CNTNAP2: variants seen among roughly 807,000 people sequenced by gnomAD.
CNTNAP2 encodes contactin-associated protein-like 2.
In CNTNAP2, 98 loss-of-function variants were observed where a neutral mutation model predicts 155.2. That is an observed-to-expected ratio of 0.63 (90% CI 0.54 to 0.75). The LOEUF is 0.75. Among genes scored for constraint, CNTNAP2 ranks in the 30% least tolerant of loss-of-function variants. The probability of loss-of-function intolerance (pLI) is 0.00; values close to 1 mark genes in which losing one functional copy is unlikely to be tolerated. For synonymous variants in CNTNAP2, 651 were observed against 631.2 expected (o/e 1.03, Z -0.47); for missense variants, 1,727 against 1,688.1 (o/e 1.02, Z -0.40).
intron 15 of CNTNAP2, among the ~76,000 whole-genome samples, chr7:148,096,365 T>C (rs1803971060): frequency 6.6e-6 from 1 of 151,928 alleles, no homozygotes; most frequent in Non-Finnish European, 1.5e-5. Context: ...CAGCTAATTA[T>C]TATAAGTATA....
At chr7:147,274,289 C>G (rs1804842006) in intron 8 of CNTNAP2, among the ~76,000 whole-genome samples, 1 of 152,028 alleles carries the variant, frequency 6.6e-6, no homozygotes, top group Non-Finnish European at 1.5e-5. Context: ...TAAGCATTCC[C>G]TTTTCTCCGC....
chr7:147,044,343 A>T (rs1240314852), intron 4 of CNTNAP2, among the ~76,000 whole-genome samples: 1 of 152,138 alleles, frequency 6.6e-6, no homozygotes, highest in Admixed American at 6.6e-5. Flanking sequence ...CAATAGACTA[A>T]ATAATAAAGC....
At chr7:147,711,782 C>G (rs1200760050) in intron 13 of CNTNAP2, among the ~76,000 whole-genome samples, 5 of 152,150 alleles carry the variant, frequency 3.3e-5, no homozygotes, top group African/African-American at 9.7e-5. Flanking sequence ...TCAAAAGCCA[C>G]AAAGTTCTGC....
rs536830589 is a variant in CNTNAP2, at chr7:147,665,182, G to A, written c.2098+25876G>A. ...ACTATTCTGACTTCTGAAACTATAG[G>A]TGTATTTTCCTGTTTATGAAGTTTA... On this transcript the variant is annotated intron_variant, in intron 13 of 23. Coordinates refer to ENST00000361727, the MANE Select transcript of CNTNAP2 (RefSeq NM_014141.6). Among the ~76,000 whole-genome samples, 9 of 152,172 alleles carry A rather than the reference G, an allele frequency of 5.9e-5. No individual in the cohort carries two copies. In the South Asian group the frequency reaches 1.9e-3, roughly 32 times the overall value.
chr7:146,471,956 C>G (rs1480864266), intron 1 of CNTNAP2, among the ~76,000 whole-genome samples: 1 of 152,140 alleles, frequency 6.6e-6, no homozygotes, highest in Non-Finnish European at 1.5e-5. Flanking sequence ...TCCCAGATTT[C>G]TTAAGAATCT....
chr7:146,961,419 T>G lies in CNTNAP2; in HGVS notation c.403-82488T>G, dbSNP rs117759254. On this transcript the variant is annotated intron_variant, in intron 3 of 23. Transcript: ENST00000361727. ...ATATTAACAATTTTGCTGTGACCTG[T>G]ATTTGAGTGATAAAGGTGTAATTCG... 1.4e-4 allele frequency among the ~76,000 whole-genome samples: 21 copies of G among 152,308 alleles called. No homozygotes were observed. In the East Asian group the frequency reaches 3.9e-3, roughly 28 times the overall value.
chr7:146,470,148 T>C (rs1048868323), intron 1 of CNTNAP2, among the ~76,000 whole-genome samples: 4 of 152,192 alleles, frequency 2.6e-5, no homozygotes, highest in African/African-American at 9.6e-5. Flanking sequence ...CTTAATTGAC[T>C]TTTAAACTAA....
chr7:146,158,240 C>G (rs1798159252), intron 1 of CNTNAP2, among the ~76,000 whole-genome samples: 1 of 152,134 alleles, frequency 6.6e-6, no homozygotes, highest in Non-Finnish European at 1.5e-5. Flanking sequence ...CTGTATGTCA[C>G]CATCATCAAA....
intron 21 of CNTNAP2, among the ~76,000 whole-genome samples, chr7:148,369,448 T>A (rs1394907767): frequency 6.6e-6 from 1 of 151,662 alleles, no homozygotes; most frequent in Non-Finnish European, 1.5e-5. Context: ...TTTCGCCATG[T>A]TGGCCAGGAT....
rs541054137 is a variant in CNTNAP2, at chr7:146,298,705, G to A, written c.97+181732G>A. On this transcript the variant is annotated intron_variant, in intron 1 of 23. Transcript: ENST00000361727. The stretch of plus-strand genomic sequence containing the variant: ...ATATGTTTGAAGCATGTTTTTGAAT[G>A]CATGTTCAACACTGGAGAAAGTAGA... Among the ~76,000 whole-genome samples the A allele has an allele frequency of 3.9e-5, 6 of 152,342 alleles. No homozygotes were observed. The South Asian group carries it at 1.2e-3, about 32-fold the overall frequency.
At chr7:148,198,302 A>G (rs1204558327) in intron 18 of CNTNAP2, among the ~76,000 whole-genome samples, 1 of 152,226 alleles carries the variant, frequency 6.6e-6, no homozygotes, top group African/African-American at 2.4e-5. Context: ...GCAAAGGGGC[A>G]TGATCCAAGA....
intron 11 of CNTNAP2, among the ~76,000 whole-genome samples, chr7:147,510,021 C>T (rs535515438): frequency 2.0e-5 from 3 of 152,150 alleles, no homozygotes; most frequent in South Asian, 4.1e-4. Context: ...CAAGTACAGA[C>T]TCCTGGGCAC....
intron 1 of CNTNAP2, among the ~76,000 whole-genome samples, chr7:146,307,469 G>T (rs1800734409): frequency 6.6e-6 from 1 of 152,072 alleles, no homozygotes; most frequent in South Asian, 2.1e-4. Context: ...CACAGAACTT[G>T]AAAAAACTAC....
At chr7:148,050,163 C>T (rs1290221237) in intron 15 of CNTNAP2, among the ~76,000 whole-genome samples, 2 of 152,156 alleles carry the variant, frequency 1.3e-5, no homozygotes, top group Non-Finnish European at 2.9e-5. Context: ...CTATCTCAAA[C>T]AAACCGAAAC....
intron 13 of CNTNAP2, among the ~76,000 whole-genome samples, chr7:147,770,099 T>G (rs2116533933): frequency 6.6e-6 from 1 of 152,330 alleles, no homozygotes; most frequent in South Asian, 2.1e-4. Context: ...AGTCAAATTC[T>G]CATTGAGGTC....
At chr7:147,814,068 T>A (rs796911581) in intron 13 of CNTNAP2, among the ~76,000 whole-genome samples, 17 of 152,332 alleles carry the variant, frequency 1.1e-4, no homozygotes, top group African/African-American at 4.1e-4. Context: ...CTTTTCTTTT[T>A]GCCTTTCCAA....
chr7:146,248,876 ATC>A (rs1799710098), intron 1 of CNTNAP2, among the ~76,000 whole-genome samples: 1 of 152,156 alleles, frequency 6.6e-6, no homozygotes, highest in Non-Finnish European at 1.5e-5. Context: ...AAAGCTTTTA[ATC>A]ACCTGGGTGC....
At chr7:148,065,593 A>G (rs756468628) in intron 15 of CNTNAP2, among the ~76,000 whole-genome samples, 2 of 152,182 alleles carry the variant, frequency 1.3e-5, no homozygotes, top group Admixed American at 6.5e-5. Context: ...TTTGTCTGAT[A>G]TATGAATAGC....
Position 147,503,284 on chromosome 7 carries a change from C to T in CNTNAP2, c.1777+17243C>T, listed in dbSNP as rs1798851464. On this transcript the variant is annotated intron_variant, in intron 11 of 23. Transcript: ENST00000361727. Reference sequence around the variant, plus strand: ...AGCCACGTTCCCTGGGTGTTTCTGTCTCTGTCCCTGTGTCAGAATCTTTCT... The same window carrying T: ...AGCCACGTTCCCTGGGTGTTTCTGTTTCTGTCCCTGTGTCAGAATCTTTCT... 4.6e-5 allele frequency among the ~76,000 whole-genome samples: 7 copies of T among 152,284 alleles called. No individual in the cohort carries two copies. The South Asian group carries it at 1.5e-3, about 32-fold the overall frequency.
Sources: gnomAD v4.1 joint callset for allele counts (sites outside exome capture counted in the v4.1 genomes callset) on GRCh38, gnomAD v4.1.1 for gene constraint, MANE v1.5 for transcripts, NCBI Gene and HGNC (gene_info 2026-07-23, HGNC 2026-07-21) for gene names.